The following OPA1 variants were observed in gnomAD, a reference collection of about 807,000 sequenced individuals.
The protein encoded by OPA1 is OPA1 mitochondrial dynamin like GTPase.
Under a neutral mutation model 152.9 loss-of-function variants are expected in OPA1, and 59 were observed. The observed-to-expected ratio is 0.39, with a 90% CI of 0.31 to 0.48. The LOEUF (loss-of-function observed/expected upper bound fraction) is 0.48. Ranked by LOEUF, OPA1 falls within the 20% of genes least tolerant of loss-of-function variation. The probability of loss-of-function intolerance (pLI) is 0.96; values close to 1 mark genes in which losing one functional copy is unlikely to be tolerated. For missense variants in OPA1, 1,008 were observed against 1,216.8 expected, an observed-to-expected ratio of 0.83 and a Z score of 2.55; for synonymous variants, 400 against 389.9, an observed-to-expected ratio of 1.03 and a Z score of -0.31.
intron 16 of OPA1, 109 bp from the exon 17 acceptor site, chr3:193,645,444 T>C: frequency 1.4e-6 from 1 of 725,710 alleles, no homozygotes; most frequent in Non-Finnish European, 2.3e-6. Context: ...TGCAGATTTA[T>C]TTAACTATAT....
intron 29 of OPA1, among the ~76,000 whole-genome samples, chr3:193,672,755 G>A (rs1718208024): frequency 6.6e-6 from 1 of 151,726 alleles, no homozygotes; most frequent in South Asian, 2.1e-4. Flanking sequence ...TGTAATTCCA[G>A]CTACTCGGGA....
At chr3:193,620,309 A>G (rs1356961724) in intron 6 of OPA1, among the ~76,000 whole-genome samples, 1 of 152,220 alleles carries the variant, frequency 6.6e-6, no homozygotes, top group Non-Finnish European at 1.5e-5. Context: ...CACTGTGGTG[A>G]ATGAAAAACC....
intron 22 of OPA1, among the ~76,000 whole-genome samples, chr3:193,655,575 C>CA (rs1713603464): frequency 6.6e-6 from 1 of 152,158 alleles, no homozygotes. Flanking sequence ...GCTGTGTGAT[C>CA]CTTTGCCTAG....
chr3:193,694,258 T>C (rs1212275477), intron 30 of OPA1, among the ~76,000 whole-genome samples: 3 of 152,252 alleles, frequency 2.0e-5, no homozygotes, highest in African/African-American at 7.2e-5. Flanking sequence ...TCTGACCATT[T>C]TATCAAAGTT....
chr3:193,651,112 T>A (rs532974694), intron 21 of OPA1, among the ~76,000 whole-genome samples: 33 of 152,246 alleles, frequency 2.2e-4, no homozygotes, highest in Middle Eastern at 6.8e-3. Flanking sequence ...AAACAGTAGA[T>A]GTAAGCAAAA....
At position 193,593,216 on chromosome 3, in the gene OPA1, G is replaced by A. The variant is rs1724916503; in HGVS notation, c.-162G>A. 1.7e-6 allele frequency: 1 copy of A among 593,018 alleles called. No individual in the cohort carries two copies. The allele number at this position is 593,018 out of a possible 1,614,324, so 36.7% of individuals were successfully genotyped here. On this transcript the variant is annotated 5_prime_UTR_variant, in exon 1 of 31. Transcript: ENST00000361510. ...GAGTACGGGTGCCTGTCAGGCTCTT[G>A]CGGAAGTCCATGCGCCATTGGGAGG...
Position 193,644,108 on chromosome 3 carries a change from G to A in OPA1, c.1608+3G>A. ...AAAATGTAGCCAGTCCAAGCAGGGT[G>A]AGGTCAAATTCTTTGTTGCGAGAAT... On this transcript the variant is annotated splice_donor_region_variant and intron_variant, in intron 16 of 30. Coordinates refer to ENST00000361510, the MANE Select transcript of OPA1 (RefSeq NM_130837.3). The A allele has an allele frequency of 6.2e-7, 1 of 1,613,520 alleles. No homozygotes were observed. Among genetic ancestry groups the A allele is most frequent in the Non-Finnish European group, 8.5e-7 (1 of 1,179,626 alleles).
chr3:193,671,149 GTAC>G (rs1717838073), intron 29 of OPA1, among the ~76,000 whole-genome samples: 1 of 152,154 alleles, frequency 6.6e-6, no homozygotes, highest in African/African-American at 2.4e-5. Context: ...CAGAAAATAT[GTAC>G]TAATTAAAAG....
At chr3:193,674,603 A>G (rs961369939) in intron 29 of OPA1, among the ~76,000 whole-genome samples, 20 of 152,238 alleles carry the variant, frequency 1.3e-4, no homozygotes, top group Non-Finnish European at 2.6e-4. Flanking sequence ...CCATGTGGAA[A>G]CATGAATAAA....
At chr3:193,688,655 C>A (rs892732294) in intron 29 of OPA1, among the ~76,000 whole-genome samples, 11 of 151,664 alleles carry the variant, frequency 7.3e-5, no homozygotes, top group Non-Finnish European at 1.6e-4. Flanking sequence ...GCATTTGCTT[C>A]GTCACTATGA....
intron 29 of OPA1, among the ~76,000 whole-genome samples, chr3:193,685,748 A>G (rs551758479): frequency 2.0e-5 from 3 of 152,356 alleles, no homozygotes; most frequent in Admixed American, 6.5e-5. Context: ...TATCCAATAA[A>G]TAAAAAGATA....
At chr3:193,673,429 A>G (rs1718349603) in intron 29 of OPA1, among the ~76,000 whole-genome samples, 1 of 152,226 alleles carries the variant, frequency 6.6e-6, no homozygotes, top group Non-Finnish European at 1.5e-5. Context: ...GCATGAAACC[A>G]CTAAGCAAAC....
intron 3 of OPA1, among the ~76,000 whole-genome samples, 171 bp from the exon 4 acceptor site, chr3:193,617,007 C>G (rs868670165): frequency 6.6e-6 from 1 of 152,202 alleles, no homozygotes; most frequent in Admixed American, 6.5e-5. Flanking sequence ...CCGGGCTCCT[C>G]CACTTCCTTG....
chr3:193,638,417 C>T (rs1733263931), intron 11 of OPA1, among the ~76,000 whole-genome samples: 1 of 152,136 alleles, frequency 6.6e-6, no homozygotes, highest in African/African-American at 2.4e-5. Context: ...AGAAATGAAG[C>T]AGTAGCAATT....
At chr3:193,598,922 G>A (rs1726030270) in intron 1 of OPA1, among the ~76,000 whole-genome samples, 1 of 152,174 alleles carries the variant, frequency 6.6e-6, no homozygotes, top group Admixed American at 6.5e-5. Context: ...TAAACGTTGT[G>A]GAACCATGAG....
chr3:193,686,341 A>G (rs895525668), intron 29 of OPA1, among the ~76,000 whole-genome samples: 5 of 139,790 alleles, frequency 3.6e-5, no homozygotes, highest in African/African-American at 1.3e-4. Context: ...GTTTTCCTGG[A>G]CGTGTGAATT....
chr3:193,648,705 A>G lies in OPA1; in HGVS notation c.1936-90A>G, dbSNP rs972247606. ...ATTAAACCCAAATTCAGCCTAGTCA[A>G]AAACCTCCCTTTGGTTATCTCTGAA... On this transcript the variant is annotated intron_variant, in intron 20 of 30. Coordinates refer to ENST00000361510, the MANE Select transcript of OPA1 (RefSeq NM_130837.3). 19 of 936,960 alleles carry G rather than the reference A, an allele frequency of 2.0e-5. No individual in the cohort carries two copies. In the African/African-American group the frequency reaches 2.9e-4, roughly 14 times the overall value. 58.0% of individuals were successfully genotyped at this position (936,960 alleles called of 1,614,324 possible).
At chr3:193,671,901 G>A (rs1718006674) in intron 29 of OPA1, among the ~76,000 whole-genome samples, 1 of 152,200 alleles carries the variant, frequency 6.6e-6, no homozygotes, top group Non-Finnish European at 1.5e-5. Context: ...TAATTTAATA[G>A]GATATGCAGC....
chr3:193,673,523 C>A (rs909902738), intron 29 of OPA1, among the ~76,000 whole-genome samples: 1 of 152,166 alleles, frequency 6.6e-6, no homozygotes, highest in African/African-American at 2.4e-5. Context: ...TAAGTAGTGT[C>A]TAAGTTGCCC....
Sources: allele counts gnomAD v4.1 joint callset (sites outside exome capture counted in the v4.1 genomes callset), GRCh38; gene constraint gnomAD v4.1.1; transcripts MANE v1.5; gene names NCBI Gene and HGNC (gene_info 2026-07-23, HGNC 2026-07-21).